SBK2: variants seen among roughly 807,000 people sequenced by gnomAD.
The protein encoded by SBK2 is SH3 domain binding kinase family member 2, also known as serine/threonine-protein kinase SBK2.
SBK2 carries 18 observed loss-of-function variants against 15.9 expected under a neutral mutation model. The ratio of observed to expected loss-of-function variants is 1.13; its 90% CI spans 0.78 to 1.68. The LOEUF is 1.68. Among genes scored for constraint, SBK2 ranks in the 40% most tolerant of loss-of-function variants. The probability of loss-of-function intolerance (pLI) is 0.00; values close to 1 mark genes in which losing one functional copy is unlikely to be tolerated. For missense variants in SBK2, 581 were observed against 510.9 expected, an observed-to-expected ratio of 1.14 and a Z score of -1.32; for synonymous variants, 284 against 246.8, an observed-to-expected ratio of 1.15 and a Z score of -1.41.
rs776081323 is a variant in SBK2, at chr19:55,536,102, C to A, written c.193G>T (p.Val65Leu). 2.6e-6 allele frequency: 4 copies of A among 1,531,370 alleles called. No individual in the cohort carries two copies. In the African/African-American group the frequency reaches 4.2e-5, roughly 16 times the overall value. The allele number at this position is 1,531,370 out of a possible 1,614,324, so 94.9% of individuals were successfully genotyped here. A position where few individuals can be genotyped will look rare whatever the true frequency, so the allele number is the denominator to read the frequency against. Residue 65 changes from valine to leucine, a missense_variant, in exon 2 of 4, where the codon GTG (valine) becomes TTG (leucine). Val to Leu is a conservative substitution (Grantham distance 32). Coordinates refer to ENST00000413299, the MANE Select transcript of SBK2 (RefSeq NM_001370096.2). ...RAEVDELYEE[V>L]RPLGQGCYGR... is the part of the protein sequence containing the mutation. ...TAGCAACCCTGGCCCAGGGGACGCACTTCCTCGTAGAGCTCGTCCACCTCG... is the reference window on the plus strand; with the variant it reads ...TAGCAACCCTGGCCCAGGGGACGCAATTCCTCGTAGAGCTCGTCCACCTCG...
At chr19:55,532,601 C>CT (rs10682612) in intron 2 of SBK2, among the ~76,000 whole-genome samples, 4,990 of 128,324 alleles carry the variant, frequency 0.039, 281 homozygotes, top group African/African-American at 0.12. Context: ...TACACCCGCC[C>CT]TTTTTTTTTT....
intron 2 of SBK2, among the ~76,000 whole-genome samples, chr19:55,532,656 A>G (rs1988301247): frequency 7.1e-6 from 1 of 140,806 alleles, no homozygotes; most frequent in Non-Finnish European, 1.5e-5. Context: ...GCTGGAGTGC[A>G]GCAGCACAAT....
In SBK2 at chr19:55,536,049, A is replaced by G. The variant is rs1555770803; in HGVS notation, c.246T>C (p.Arg82=). The change falls in exon 2 of 4, where the codon CGT becomes CGC. Residue 82 remains arginine, a synonymous_variant. Coordinates refer to ENST00000413299, the MANE Select transcript of SBK2 (RefSeq NM_001370096.2). The stretch of plus-strand genomic sequence containing the variant: ...GGCCCCACAGCCTCGTACCTTTCTG[A>G]CGATGGGTGACCAGAAGGACGCGGC... The part of the protein sequence containing the change: ...CYGRVLLVTH[R]QKGTPLALKQ... 1 of 1,478,322 alleles carries G rather than the reference A, an allele frequency of 6.8e-7. No individual in the cohort carries two copies. Among genetic ancestry groups the G allele is most frequent in the Non-Finnish European group, 9.0e-7 (1 of 1,107,836 alleles). The allele number at this position is 1,478,322 out of a possible 1,614,324, so 91.6% of individuals were successfully genotyped here.
chr19:55,533,105 C>T (rs191503516), intron 2 of SBK2, among the ~76,000 whole-genome samples: 27 of 151,630 alleles, frequency 1.8e-4, no homozygotes, highest in African/African-American at 6.0e-4. Context: ...CCAAGGTGGG[C>T]GGATCACTTG....
In SBK2 at chr19:55,536,514, A is replaced by G. The variant is rs531870829; in HGVS notation, c.-2-218T>C. On this transcript the variant is annotated intron_variant, in intron 1 of 3. Coordinates refer to ENST00000413299, the MANE Select transcript of SBK2 (RefSeq NM_001370096.2). ...TCCCTGCCCGCGTGCCGCCGCCGCC[A>G]CCCGCCCACCCTGAGGTTGAAAGAT... Among the ~76,000 whole-genome samples the G allele has an allele frequency of 5.5e-3, 804 of 146,772 alleles. 11 individuals carry two copies. Among genetic ancestry groups the G allele is most frequent in the African/African-American group, 0.019 (769 of 40,236 alleles).
intron 2 of SBK2, among the ~76,000 whole-genome samples, chr19:55,531,748 C>G (rs774610404): frequency 6.6e-6 from 1 of 152,152 alleles, no homozygotes; most frequent in South Asian, 2.1e-4. Flanking sequence ...GAGACCGAGG[C>G]GGGTGGATTG....
At position 55,528,647 on chromosome 19, in the gene SBK2, G is replaced by A. The variant is rs942336354; in HGVS notation, c.*1086C>T. The stretch of plus-strand genomic sequence containing the variant: ...GATGGAGTTTATTTGCAGAGTGGCT[G>A]GGGCGAGAGAAGGCAAAACACATCA... On this transcript the variant is annotated 3_prime_UTR_variant, in exon 4 of 4. Transcript: ENST00000413299. Among the ~76,000 whole-genome samples the A allele has an allele frequency of 3.9e-5, 6 of 152,188 alleles. No homozygotes were observed. Among genetic ancestry groups the A allele is most frequent in the African/African-American group, 1.4e-4 (6 of 41,436 alleles).
Position 55,530,326 on chromosome 19 carries a change from G to A in SBK2, c.457-3C>T, listed in dbSNP as rs986839893. On this transcript the variant is annotated splice_region_variant and splice_polypyrimidine_tract_variant and intron_variant, in intron 3 of 3. Coordinates refer to ENST00000413299, the MANE Select transcript of SBK2 (RefSeq NM_001370096.2). ...ACCGCGGGCTGCGGGAGGCCCACCT[G>A]CGGGGAGAGGGGTCAGGGCCCAGTG... The A allele has an allele frequency of 3.6e-6, 5 of 1,402,406 alleles. No homozygotes were observed. In the South Asian group the frequency reaches 6.4e-5, roughly 18 times the overall value. The allele number at this position is 1,402,406 out of a possible 1,614,324, so 86.9% of individuals were successfully genotyped here.
intron 3 of SBK2, among the ~76,000 whole-genome samples, 164 bp downstream of exon 3, chr19:55,530,979 A>G (rs940916347): frequency 1.3e-5 from 2 of 152,094 alleles, no homozygotes; most frequent in Non-Finnish European, 2.9e-5. Context: ...AAAGAGGCCT[A>G]ACAACTCCAC....
rs750571295 is a variant in SBK2 at position 55,531,381 on chromosome 19, C to T, written c.254-36G>A. The T allele has an allele frequency of 4.0e-6, 6 of 1,517,758 alleles. No individual in the cohort carries two copies. In the South Asian group the frequency reaches 4.7e-5, roughly 12 times the overall value. 94.0% of individuals were successfully genotyped at this position (1,517,758 alleles called of 1,614,324 possible). ...AGGGACAGGTATGGGAGGCGTGCAG[C>T]AGCCAAGGGCCACCTGGGCCAGCTG... On this transcript the variant is annotated intron_variant, in intron 2 of 3. Coordinates refer to ENST00000413299, the MANE Select transcript of SBK2 (RefSeq NM_001370096.2).
In SBK2 at chr19:55,531,307, T is replaced by C. The variant is rs763904354; in HGVS notation, c.292A>G (p.Thr98Ala). 9 of 1,612,178 alleles carry C rather than the reference T, an allele frequency of 5.6e-6. No individual in the cohort carries two copies. Among genetic ancestry groups the C allele is most frequent in the Non-Finnish European group, 7.6e-6 (9 of 1,179,428 alleles). ...LALKQLPKPR[T>A]SLRGFLYEFC... ...TCGTACAGGAAGCCACGGAGGGACG[T>C]GCGGGGTTTCGGGAGCTGCTTCAGT... Residue 98 changes from threonine (T) to alanine (A), a missense_variant, in exon 3 of 4, where the codon ACG (threonine) becomes GCG (alanine). Thr to Ala is a moderately conservative substitution (Grantham distance 58, BLOSUM62 0). Transcript: ENST00000413299.
chr19:55,536,191 C>A lies in SBK2; in HGVS notation c.104G>T (p.Gly35Val). The change falls in exon 2 of 4, where the codon GGC becomes GTC. Residue 35 changes from glycine (G) to valine (V), a missense_variant. Physicochemically the swap from Gly to Val is moderately radical, Grantham distance 109 (BLOSUM62 -3). Transcript: ENST00000413299. ...GGLTLEELQQ[G>V]QEAARALEDM... Reference sequence around the variant, plus strand: ...CTCCAGCGCGCGGGCAGCCTCCTGGCCCTGCTGGAGCTCCTCTAATGTCAG... The same window carrying A: ...CTCCAGCGCGCGGGCAGCCTCCTGGACCTGCTGGAGCTCCTCTAATGTCAG... 6.2e-7 allele frequency: 1 copy of A among 1,607,514 alleles called. No individual in the cohort carries two copies. Among genetic ancestry groups the A allele is most frequent in the South Asian group, 1.1e-5 (1 of 89,782 alleles).
intron 2 of SBK2, among the ~76,000 whole-genome samples, chr19:55,533,025 A>G (rs1294382608): frequency 6.6e-6 from 1 of 152,118 alleles, no homozygotes; most frequent in African/African-American, 2.4e-5. Context: ...GCCGTGTGTA[A>G]CTGGGATAAA....
rs1196060294 is a variant in SBK2, at chr19:55,528,851, A to G, written c.*882T>C. Among the ~76,000 whole-genome samples the G allele has an allele frequency of 6.6e-6, 1 of 152,210 alleles. No individual in the cohort carries two copies. Among genetic ancestry groups the G allele is most frequent in the Non-Finnish European group, 1.5e-5 (1 of 68,052 alleles). On this transcript the variant is annotated 3_prime_UTR_variant, in exon 4 of 4. Transcript: ENST00000413299. The stretch of plus-strand genomic sequence containing the variant: ...TACATGGGGTCTGTCAGCAGACGGA[A>G]GGCGGCAAAGACCCCCGACTCCAGG...
chr19:55,536,960 G>A lies in SBK2; in HGVS notation c.-3+94C>T, dbSNP rs190344210. ...GGCTCCCCTGAGGGACCGAGGACTC[G>A]GGCCACCTGGTACAGTCACCCTCAG... On this transcript the variant is annotated intron_variant, in intron 1 of 3. Coordinates refer to ENST00000413299, the MANE Select transcript of SBK2 (RefSeq NM_001370096.2). 5.4e-3 allele frequency: 823 copies of A among 152,570 alleles called. 2 individuals carry two copies. The highest frequency in any genetic ancestry group is 0.013 in the African/African-American group (529 of 41,534). The allele number at this position is 152,570 out of a possible 1,614,324, so 9.5% of individuals were successfully genotyped here.
chr19:55,534,563 C>T (rs1002352906), intron 2 of SBK2, among the ~76,000 whole-genome samples: 13 of 150,816 alleles, frequency 8.6e-5, no homozygotes, highest in Non-Finnish European at 1.2e-4. Flanking sequence ...AAAAATTAGC[C>T]GGGCATGGTG....
At chr19:55,536,406 G>A in intron 1 of SBK2, 110 bp from the exon 2 acceptor site, 5 of 804,806 alleles carry the variant, frequency 6.2e-6, no homozygotes, top group East Asian at 3.8e-5. Context: ...GGCTCATCGC[G>A]CTTCTCATTG....
intron 2 of SBK2, among the ~76,000 whole-genome samples, chr19:55,533,886 T>C (rs1051673688): frequency 6.6e-6 from 1 of 151,874 alleles, no homozygotes; most frequent in Non-Finnish European, 1.5e-5. Flanking sequence ...GACAGTGACA[T>C]GTTCAGGGCC....
At chr19:55,536,538 A>G (rs527727071) in intron 1 of SBK2, among the ~76,000 whole-genome samples, 36 of 151,810 alleles carry the variant, frequency 2.4e-4, no homozygotes, top group African/African-American at 8.4e-4. Flanking sequence ...AGGTTGAAAG[A>G]TGAACCAGAT....
Sources: allele counts gnomAD v4.1 joint callset (sites outside exome capture counted in the v4.1 genomes callset), GRCh38; gene constraint gnomAD v4.1.1; transcripts MANE v1.5; gene names NCBI Gene and HGNC (gene_info 2026-07-23, HGNC 2026-07-21).